AP2A1: variants seen among roughly 807,000 people sequenced by gnomAD.
AP2A1 encodes the protein AP-2 complex subunit alpha-1.
AP2A1 carries 21 observed loss-of-function variants against 107.3 expected under a neutral mutation model. The ratio of observed to expected loss-of-function variants is 0.20; its 90% CI spans 0.14 to 0.28. The LOEUF is 0.28. Ranked by LOEUF, AP2A1 falls within the 10% of genes least tolerant of loss-of-function variation. The probability of loss-of-function intolerance (pLI) is 1.00; values close to 1 mark genes in which losing one functional copy is unlikely to be tolerated. For missense variants in AP2A1, 873 were observed against 1,307.7 expected (o/e 0.67, Z 5.13); for synonymous variants, 602 against 564.8 (o/e 1.07, Z -0.93).
intron 4 of AP2A1, among the ~76,000 whole-genome samples, chr19:49,787,354 G>GTTTTTTTT (rs1175245045): frequency 5.3e-5 from 5 of 94,516 alleles, no homozygotes; most frequent in South Asian, 3.5e-4. Context: ...TTTGTTTTTT[G>GTTTTTTTT]TTTTTTTTTT....
At chr19:49,768,179 A>G (rs1297299177) in intron 1 of AP2A1, among the ~76,000 whole-genome samples, 1 of 152,078 alleles carries the variant, frequency 6.6e-6, no homozygotes, top group Non-Finnish European at 1.5e-5. Context: ...GCCCTTTTCT[A>G]TTTGACCACA....
intron 6 of AP2A1, among the ~76,000 whole-genome samples, chr19:49,795,393 A>G (rs1019480216): frequency 2.6e-5 from 4 of 152,168 alleles, no homozygotes; most frequent in Admixed American, 6.5e-5. Flanking sequence ...ATGGTGGCTC[A>G]TGCCTGTAAC....
intron 7 of AP2A1, 39 bp downstream of exon 7, chr19:49,795,777 G>T: frequency 6.9e-7 from 1 of 1,440,212 alleles, no homozygotes. Flanking sequence ...GGGGTGGCCT[G>T]CTGCTGGCAT....
rs1568591760 is a variant in AP2A1, at chr19:49,806,215, G to A, written c.2752G>A (p.Gly918Ser). 6.2e-7 allele frequency: 1 copy of A among 1,606,624 alleles called. No individual in the cohort carries two copies. Among genetic ancestry groups the A allele is most frequent in the Non-Finnish European group, 8.5e-7 (1 of 1,176,952 alleles). The change falls in exon 22 of 23, where the codon GGC becomes AGC. Residue 918 changes from glycine to serine, a missense_variant. By Grantham distance (56) the Gly-to-Ser change is moderately conservative. This residue lies in a region of AP2A1 where 416 missense variants were observed against 473.4 expected (regional missense o/e 0.88). Coordinates refer to ENST00000354293, the MANE Select transcript of AP2A1 (RefSeq NM_130787.3). The part of the protein sequence containing the change: ...GIIQTKALQV[G>S]CLLRLEPNAQ... ...CATCCAGACTAAAGCCCTGCAGGTG[G>A]GCTGTCTGCTTCGGCTGGAGCCCAA... is the stretch of plus-strand genomic sequence containing the variant.
intron 1 of AP2A1, among the ~76,000 whole-genome samples, chr19:49,780,032 C>T (rs1460217630): frequency 3.9e-5 from 6 of 152,348 alleles, no homozygotes; most frequent in Admixed American, 3.9e-4. Flanking sequence ...CTTGCTTTCT[C>T]AGTCATTGAC....
intron 5 of AP2A1, among the ~76,000 whole-genome samples, chr19:49,792,493 C>G (rs1427042515): frequency 1.3e-5 from 2 of 151,956 alleles, no homozygotes; most frequent in Non-Finnish European, 2.9e-5. Flanking sequence ...CCAGTGTCCC[C>G]GGTACTCATT....
chr19:49,792,669 C>G (rs997102490), intron 5 of AP2A1, among the ~76,000 whole-genome samples: 1 of 152,136 alleles, frequency 6.6e-6, no homozygotes, highest in Admixed American at 6.5e-5. Context: ...CGCCCATCAC[C>G]TGCGCACCAG....
At chr19:49,792,669 C>T (rs997102490) in intron 5 of AP2A1, among the ~76,000 whole-genome samples, 25 of 152,136 alleles carry the variant, frequency 1.6e-4, no homozygotes, top group African/African-American at 5.8e-4. Context: ...CGCCCATCAC[C>T]TGCGCACCAG....
intron 11 of AP2A1, 35 bp from the exon 12 acceptor site, chr19:49,800,923 ATTG>A (rs1284972861): frequency 3.2e-6 from 5 of 1,539,016 alleles, no homozygotes; most frequent in African/African-American, 1.4e-5. Flanking sequence ...GAGGGCGCTC[ATTG>A]TTGTCCTCTC....
intron 1 of AP2A1, among the ~76,000 whole-genome samples, chr19:49,778,079 A>G (rs1302125597): frequency 6.6e-6 from 1 of 152,230 alleles, no homozygotes; most frequent in Admixed American, 6.5e-5. Flanking sequence ...ATACATATAC[A>G]TGCACATATT....
intron 4 of AP2A1, among the ~76,000 whole-genome samples, chr19:49,787,590 C>CCGTCTGCCT: frequency 6.6e-6 from 1 of 151,506 alleles, no homozygotes; most frequent in Non-Finnish European, 1.5e-5. Flanking sequence ...CTCTATTGAT[C>CCGTCTGCCT]CATCTGCCTC....
rs2073291323 is a variant in AP2A1, at chr19:49,802,157, C to A, written c.2114+16C>A. ...CCTTCCTCAGGTAGCACCCCCTGGGCCCGGGCCCCTTCTCGCGGCCACCCC... is the reference window on the plus strand; with the variant it reads ...CCTTCCTCAGGTAGCACCCCCTGGGACCGGGCCCCTTCTCGCGGCCACCCC... On this transcript the variant is annotated intron_variant, in intron 15 of 22. Coordinates refer to ENST00000354293, the MANE Select transcript of AP2A1 (RefSeq NM_130787.3). The A allele has an allele frequency of 1.3e-6, 2 of 1,543,136 alleles. No individual in the cohort carries two copies. The highest frequency in any genetic ancestry group is 1.4e-5 in the African/African-American group (1 of 73,458).
chr19:49,806,909 ATTTTTG>A lies in AP2A1; in HGVS notation c.*154_*159del, dbSNP rs1454920673. ...CTTTCCTCCGGCCTTTTGTATTTTT[ATTTTTG>A]TTCATCTGCTGCTGTTTACATTCTG... On this transcript the variant is annotated 3_prime_UTR_variant, in exon 23 of 23. Transcript: ENST00000354293. 6.5e-7 allele frequency: 1 copy of A among 1,536,114 alleles called. No individual in the cohort carries two copies. Among genetic ancestry groups the A allele is most frequent in the Non-Finnish European group, 8.7e-7 (1 of 1,147,040 alleles).
intron 6 of AP2A1, among the ~76,000 whole-genome samples, chr19:49,794,202 C>T (rs2073182939): frequency 6.8e-6 from 1 of 146,808 alleles, no homozygotes; most frequent in Non-Finnish European, 1.5e-5. Context: ...GCCTGGCCCA[C>T]TCATTGTTTC....
At chr19:49,792,811 G>T (rs1329465232) in intron 5 of AP2A1, among the ~76,000 whole-genome samples, 180 bp from the exon 6 acceptor site, 1 of 152,074 alleles carries the variant, frequency 6.6e-6, no homozygotes, top group African/African-American at 2.4e-5. Context: ...TGGCCATGGC[G>T]CCCGAGGCCC....
At chr19:49,800,572 C>G in intron 11 of AP2A1, 1 of 260,646 alleles carries the variant, frequency 3.8e-6, no homozygotes, top group Non-Finnish European at 7.4e-6. Flanking sequence ...AGCGTCAAGC[C>G]ATTCTCCTGC....
At chr19:49,772,980 G>A (rs1021022565) in intron 1 of AP2A1, among the ~76,000 whole-genome samples, 3 of 151,846 alleles carry the variant, frequency 2.0e-5, no homozygotes, top group East Asian at 3.9e-4. Context: ...GAAGAGAAGG[G>A]CGGAGGGATG....
At chr19:49,802,184 A>G in intron 15 of AP2A1, 43 bp downstream of exon 15, 2 of 1,465,684 alleles carry the variant, frequency 1.4e-6, no homozygotes, top group Non-Finnish European at 1.8e-6. Context: ...GGCCACCCCC[A>G]GGGCTGTCCC....
chr19:49,804,070 A>G (rs2073327908), intron 18 of AP2A1: 1 of 152,420 alleles, frequency 6.6e-6, no homozygotes, highest in African/African-American at 2.4e-5. Flanking sequence ...CCCCATCTCC[A>G]CTAAAAATAC....
Sources: gnomAD v4.1 joint callset for allele counts (sites outside exome capture counted in the v4.1 genomes callset) on GRCh38, gnomAD v4.1.1 for gene constraint, gnomAD v4.1.1 regional missense constraint, MANE v1.5 for transcripts, NCBI Gene and HGNC (gene_info 2026-07-23, HGNC 2026-07-21) for gene names.